NRXN3: variants seen among roughly 807,000 people sequenced by gnomAD.
The protein encoded by NRXN3 is neurexin III.
In NRXN3, 32 loss-of-function variants were observed where a neutral mutation model predicts 137.6. The ratio of observed to expected loss-of-function variants is 0.23; its 90% confidence interval spans 0.18 to 0.31. NRXN3 has a LOEUF of 0.31. Ranked by LOEUF, NRXN3 falls within the 10% of genes least tolerant of loss-of-function variation. The probability of loss-of-function intolerance (pLI) is 1.00; values close to 1 mark genes in which losing one functional copy is unlikely to be tolerated. For synonymous variants in NRXN3, 798 were observed against 784.5 expected, an observed-to-expected ratio of 1.02 and a Z score of -0.29; for missense variants, 1,574 against 2,062.5, an observed-to-expected ratio of 0.76 and a Z score of 4.59.
intron 4 of NRXN3, among the ~76,000 whole-genome samples, chr14:78,387,399 G>C (rs1309607185): frequency 6.6e-6 from 1 of 152,144 alleles, no homozygotes; most frequent in Non-Finnish European, 1.5e-5. Flanking sequence ...GACGCTATGT[G>C]ACCTTGGGGT....
intron 15 of NRXN3, among the ~76,000 whole-genome samples, chr14:79,208,936 G>A (rs917624877): frequency 6.8e-6 from 1 of 147,932 alleles, no homozygotes; most frequent in Non-Finnish European, 1.5e-5. Context: ...TTTGTGAAAA[G>A]TTTTTTTGTT....
At chr14:78,692,536 A>C (rs569242599) in intron 6 of NRXN3, among the ~76,000 whole-genome samples, 1 of 152,278 alleles carries the variant, frequency 6.6e-6, no homozygotes, top group East Asian at 1.9e-4. Flanking sequence ...GTGGTTGAAT[A>C]AAGGTTATTT....
At chr14:78,778,331 G>A (rs976847262) in intron 8 of NRXN3, among the ~76,000 whole-genome samples, 1 of 152,118 alleles carries the variant, frequency 6.6e-6, no homozygotes, top group Admixed American at 6.5e-5. Context: ...CATGGGTTGT[G>A]GCCCATAGGG....
chr14:79,735,971 C>T (rs915097370), intron 19 of NRXN3, among the ~76,000 whole-genome samples: 5 of 152,044 alleles, frequency 3.3e-5, no homozygotes, highest in African/African-American at 9.7e-5. Context: ...AAATTACCAC[C>T]CTTACTTCTT....
chr14:78,432,396 C>T (rs2093918656), intron 4 of NRXN3, among the ~76,000 whole-genome samples: 1 of 152,086 alleles, frequency 6.6e-6, no homozygotes, highest in African/African-American at 2.4e-5. Flanking sequence ...AACTTGACCC[C>T]TTGCTGCCTG....
At position 79,832,592 on chromosome 14, in the gene NRXN3, G is replaced by T. The variant is rs923102948; in HGVS notation, c.4093+27402G>T. 5.3e-5 allele frequency among the ~76,000 whole-genome samples: 8 copies of T among 152,204 alleles called. No homozygotes were observed. The East Asian group carries it at 1.5e-3, about 29-fold the overall frequency. On this transcript the variant is annotated intron_variant, in intron 20 of 20. Transcript: ENST00000335750. ...GGCATCTAGTGGGTAGAGGTCAGGG[G>T]TGTTGCCAAATAGCCTACAGTGCTC... is the stretch of plus-strand genomic sequence containing the variant.
chr14:78,399,169 C>A (rs903842098), intron 4 of NRXN3, among the ~76,000 whole-genome samples: 1 of 152,144 alleles, frequency 6.6e-6, no homozygotes, highest in Non-Finnish European at 1.5e-5. Context: ...CTGTGTCATT[C>A]TTTAGATCTC....
intron 16 of NRXN3, among the ~76,000 whole-genome samples, chr14:79,551,374 G>A (rs1048036268): frequency 5.9e-5 from 9 of 152,112 alleles, no homozygotes; most frequent in Non-Finnish European, 4.4e-5. Context: ...AAATCTAATA[G>A]TCTCTGAAAT....
intron 4 of NRXN3, among the ~76,000 whole-genome samples, chr14:78,594,270 C>T (rs975434080): frequency 5.9e-5 from 9 of 152,192 alleles, no homozygotes; most frequent in Non-Finnish European, 1.0e-4. Context: ...AAGGACAAGG[C>T]GCCGAGGGGT....
chr14:79,155,438 T>C (rs1041313850), intron 15 of NRXN3, among the ~76,000 whole-genome samples: 3 of 151,922 alleles, frequency 2.0e-5, no homozygotes, highest in Admixed American at 1.3e-4. Flanking sequence ...CTGTGACATA[T>C]GAATACCACC....
intron 15 of NRXN3, among the ~76,000 whole-genome samples, chr14:79,445,296 C>T (rs966845610): frequency 1.2e-4 from 18 of 150,926 alleles, no homozygotes; most frequent in Non-Finnish European, 1.8e-4. Flanking sequence ...GCCGAGATCA[C>T]GCCACTGCAC....
At chr14:78,640,550 G>A (rs2097614154) in intron 4 of NRXN3, among the ~76,000 whole-genome samples, 1 of 152,192 alleles carries the variant, frequency 6.6e-6, no homozygotes, top group Admixed American at 6.5e-5. Context: ...CAGAGAAATA[G>A]AGTGATTATT....
At chr14:78,318,092 A>G (rs757520650) in intron 4 of NRXN3, among the ~76,000 whole-genome samples, 4 of 152,170 alleles carry the variant, frequency 2.6e-5, no homozygotes, top group Non-Finnish European at 4.4e-5. Context: ...TTGGGGGTGT[A>G]TATTTTTCAT....
chr14:78,965,956 A>AT, intron 11 of NRXN3, 69 bp from the exon 12 acceptor site: 1 of 1,530,400 alleles, frequency 6.5e-7, no homozygotes, highest in Non-Finnish European at 8.8e-7. Flanking sequence ...CACCCAAAAA[A>AT]TATACTTGAG....
chr14:79,150,475 C>A (rs1406467542), intron 15 of NRXN3, among the ~76,000 whole-genome samples: 1 of 151,914 alleles, frequency 6.6e-6, no homozygotes, highest in Admixed American at 6.6e-5. Context: ...CAGCTAATTT[C>A]TGTGCATGTT....
chr14:79,409,596 AGT>A (rs34072420), intron 15 of NRXN3, among the ~76,000 whole-genome samples: 66 of 128,938 alleles, frequency 5.1e-4, no homozygotes, highest in Non-Finnish European at 7.5e-4. Context: ...TGTCTTAGCA[AGT>A]GTGTGTGTGT....
At chr14:79,836,210 C>T (rs533784313) in intron 20 of NRXN3, among the ~76,000 whole-genome samples, 7 of 152,274 alleles carry the variant, frequency 4.6e-5, no homozygotes, top group African/African-American at 1.4e-4. Context: ...ATTGAAAGAA[C>T]ACAATGGCAA....
chr14:79,750,407 C>T (rs1000391121), intron 19 of NRXN3, among the ~76,000 whole-genome samples: 1 of 152,172 alleles, frequency 6.6e-6, no homozygotes, highest in African/African-American at 2.4e-5. Context: ...AATGTAGACT[C>T]TGTTATGGAA....
chr14:78,755,584 A>C (rs1033575795), intron 8 of NRXN3, among the ~76,000 whole-genome samples: 1 of 152,216 alleles, frequency 6.6e-6, no homozygotes, highest in African/African-American at 2.4e-5. Flanking sequence ...GGTGTGAGTT[A>C]TGTTGGGTCT....
Sources: gnomAD v4.1 joint callset for allele counts (sites outside exome capture counted in the v4.1 genomes callset) on GRCh38, gnomAD v4.1.1 for gene constraint, MANE v1.5 for transcripts, NCBI Gene and HGNC (gene_info 2026-07-23, HGNC 2026-07-21) for gene names.